The following NRP2 variants were observed in gnomAD, a reference collection of about 807,000 sequenced individuals.
NRP2 encodes the protein neuropilin 2.
A neutral mutation model predicts 110.4 loss-of-function variants in NRP2; 52 were observed. The observed-to-expected ratio is 0.47, with a 90% CI of 0.38 to 0.59. NRP2 has a LOEUF of 0.59. Among genes scored for constraint, NRP2 ranks in the 20% least tolerant of loss-of-function variants. The pLI is 0.00. For missense variants in NRP2, 1,049 were observed against 1,203.0 expected (o/e 0.87, Z 1.89); for synonymous variants, 508 against 468.9 (o/e 1.08, Z -1.08).
chr2:205,761,588 G>C (rs1299118292), intron 12 of NRP2: 1 of 152,228 alleles, frequency 6.6e-6, no homozygotes, highest in African/African-American at 2.4e-5. Flanking sequence ...CGGGGTAGAT[G>C]GAGTGGTTCA....
Position 205,796,346 on chromosome 2 carries a change from C to A in NRP2, c.*1288C>A, listed in dbSNP as rs2058351637. 1 of 152,582 alleles carries A rather than the reference C, an allele frequency of 6.6e-6. No individual in the cohort carries two copies. Among genetic ancestry groups the A allele is most frequent in the Non-Finnish European group, 1.5e-5 (1 of 68,050 alleles). The allele number at this position is 152,582 out of a possible 1,614,324, so 9.5% of individuals were successfully genotyped here. ...ACCAGAAGTCCGCAAGTACTGTGGA[C>A]AAGAATGCTTAACCATGCTGCTTCA... On this transcript the variant is annotated 3_prime_UTR_variant, in exon 17 of 17. Transcript: ENST00000357785.
At chr2:205,747,343 C>T (rs945095796) in intron 10 of NRP2, among the ~76,000 whole-genome samples, 7 of 152,146 alleles carry the variant, frequency 4.6e-5, no homozygotes, top group African/African-American at 7.2e-5. Context: ...AGTCTCTCAG[C>T]GCCTTGGTTA....
chr2:205,713,141 T>C (rs1267465535), intron 2 of NRP2, among the ~76,000 whole-genome samples: 3 of 152,322 alleles, frequency 2.0e-5, no homozygotes, highest in East Asian at 1.9e-4. Flanking sequence ...GCTTCATTGC[T>C]GATTCTGTTA....
At chr2:205,788,069 G>T (rs751164774) in intron 15 of NRP2, among the ~76,000 whole-genome samples, 1 of 152,082 alleles carries the variant, frequency 6.6e-6, no homozygotes, top group South Asian at 2.1e-4. Flanking sequence ...ACAGTCTTGT[G>T]GGTGTTTTCA....
intron 9 of NRP2, among the ~76,000 whole-genome samples, chr2:205,744,761 G>A (rs907502890): frequency 1.3e-5 from 2 of 152,234 alleles, no homozygotes; most frequent in African/African-American, 4.8e-5. Flanking sequence ...TGGAGGTTTT[G>A]CGATGCTGAG....
chr2:205,742,960 G>T (rs1217385805), intron 8 of NRP2, among the ~76,000 whole-genome samples: 3 of 152,208 alleles, frequency 2.0e-5, no homozygotes, highest in Non-Finnish European at 2.9e-5. Context: ...GAGGCAAAGA[G>T]CAATTAAATA....
Position 205,797,971 on chromosome 2 carries a change from G to C in NRP2, c.*2913G>C, listed in dbSNP as rs1361121984. 2.0e-5 allele frequency: 3 copies of C among 152,608 alleles called. No individual in the cohort carries two copies. Among genetic ancestry groups the C allele is most frequent in the Non-Finnish European group, 4.4e-5 (3 of 68,028 alleles). 9.5% of individuals were successfully genotyped at this position (152,608 alleles called of 1,614,324 possible). Reference sequence around the variant, plus strand: ...TTAACTTTTTCAGGGTTTGCAGTTAGAGGTATTCGACCATTCACTGGCTGA... The same window carrying C: ...TTAACTTTTTCAGGGTTTGCAGTTACAGGTATTCGACCATTCACTGGCTGA... On this transcript the variant is annotated 3_prime_UTR_variant, in exon 17 of 17. Coordinates refer to ENST00000357785, the MANE Select transcript of NRP2 (RefSeq NM_003872.3).
intron 1 of NRP2, among the ~76,000 whole-genome samples, chr2:205,691,755 A>T (rs769390654): frequency 7.9e-5 from 12 of 152,232 alleles, no homozygotes; most frequent in Non-Finnish European, 1.5e-4. Flanking sequence ...TGCATTTGCA[A>T]TGAGGGCTGG....
chr2:205,782,185 T>C (rs774660120), intron 15 of NRP2, among the ~76,000 whole-genome samples: 2 of 152,196 alleles, frequency 1.3e-5, no homozygotes, highest in Non-Finnish European at 2.9e-5. Context: ...TCCTCTCTAC[T>C]GGGTAAAACA....
chr2:205,706,504 C>T (rs182506486), intron 2 of NRP2, among the ~76,000 whole-genome samples: 17 of 152,158 alleles, frequency 1.1e-4, no homozygotes, highest in South Asian at 8.3e-4. Flanking sequence ...CGTCCCCACC[C>T]GACCCCCCTC....
intron 15 of NRP2, among the ~76,000 whole-genome samples, chr2:205,784,081 A>G (rs910925613): frequency 2.6e-5 from 4 of 151,572 alleles, no homozygotes; most frequent in African/African-American, 7.3e-5. Flanking sequence ...AAATATCACG[A>G]ACATTCCCCA....
chr2:205,706,087 C>T (rs1386851316), intron 2 of NRP2, among the ~76,000 whole-genome samples: 1 of 151,986 alleles, frequency 6.6e-6, no homozygotes, highest in African/African-American at 2.4e-5. Flanking sequence ...GCCCCGCTCA[C>T]CATCCTCTTC....
intron 15 of NRP2, chr2:205,779,424 T>A (rs1267469643): frequency 2.0e-5 from 3 of 152,242 alleles, no homozygotes; most frequent in Non-Finnish European, 2.9e-5. Flanking sequence ...AAGCCAGAAT[T>A]GAATAGGAAA....
In NRP2 at chr2:205,752,859, G is replaced by A; in HGVS notation, c.1928G>A (p.Gly643Glu). Residue 643 changes from glycine to glutamate, a missense_variant, in exon 12 of 17, where the codon GGA becomes GAA. By Grantham distance (98) the Gly-to-Glu change is moderately conservative. Coordinates refer to ENST00000357785, the MANE Select transcript of NRP2 (RefSeq NM_003872.3). ...EDDKDLQLPS[G>E]FNCNFDFLEE... is the part of the protein sequence containing the mutation. ...GACAAAGATTTGCAGCTCCCTTCGG[G>A]ATTCAATTGCAACTTCGATTTCCTC... The A allele has an allele frequency of 6.2e-7, 1 of 1,614,120 alleles. No individual in the cohort carries two copies. Among genetic ancestry groups the A allele is most frequent in the East Asian group, 2.2e-5 (1 of 44,874 alleles).
At chr2:205,694,996 G>T (rs1325259747) in intron 1 of NRP2, among the ~76,000 whole-genome samples, 2 of 152,312 alleles carry the variant, frequency 1.3e-5, no homozygotes, top group African/African-American at 4.8e-5. Flanking sequence ...GGACTAAAGT[G>T]TGAATTACTG....
chr2:205,688,883 C>A (rs550473858), intron 1 of NRP2, among the ~76,000 whole-genome samples: 1 of 152,028 alleles, frequency 6.6e-6, no homozygotes, highest in East Asian at 1.9e-4. Context: ...AAAAACCCTT[C>A]GATGTTGTGA....
At chr2:205,745,929 TGGTCCTCTGA>T (rs1559344019) in intron 10 of NRP2, 39 bp downstream of exon 10, 4 of 1,612,328 alleles carry the variant, frequency 2.5e-6, no homozygotes, top group Non-Finnish European at 3.4e-6. Context: ...CTCACCCACA[TGGTCCTCTGA>T]CCCTGGCATC....
Position 205,769,816 on chromosome 2 carries a change from G to A in NRP2, c.2425+3013G>A, listed in dbSNP as rs546174715. ...TTTGAGCTTTAACAAATGAAAAACC[G>A]TGTGTATAAAGGGGGGAAAAAGAAC... On this transcript the variant is annotated intron_variant, in intron 15 of 16. Transcript: ENST00000357785. 3.7e-4 allele frequency among the ~76,000 whole-genome samples: 57 copies of A among 152,186 alleles called. 1 individual carries two copies. The highest frequency in any genetic ancestry group is 1.2e-3 in the African/African-American group (48 of 41,500).
chr2:205,748,575 C>T (rs1009352272), intron 10 of NRP2, among the ~76,000 whole-genome samples: 2 of 152,186 alleles, frequency 1.3e-5, no homozygotes, highest in African/African-American at 4.8e-5. Context: ...GGAAGCCGAC[C>T]GTGAAAAAGC....
Sources: gnomAD v4.1 joint callset for allele counts (sites outside exome capture counted in the v4.1 genomes callset) on GRCh38, gnomAD v4.1.1 for gene constraint, MANE v1.5 for transcripts, NCBI Gene and HGNC (gene_info 2026-07-23, HGNC 2026-07-21) for gene names.